RNF150: variants seen among roughly 807,000 people sequenced by gnomAD.
RNF150 encodes ring finger protein 150.
Under a neutral mutation model 39.3 loss-of-function variants are expected in RNF150, and 24 were observed. The observed-to-expected ratio is 0.61, with a 90% CI of 0.44 to 0.86. RNF150 has a LOEUF of 0.86. Among genes scored for constraint, RNF150 ranks in the 40% least tolerant of loss-of-function variants. The pLI is 0.00. For synonymous variants in RNF150, 255 were observed against 227.3 expected (o/e 1.12, Z -1.10); for missense variants, 502 against 587.8 (o/e 0.85, Z 1.51).
chr4:141,039,410 G>GGAGGAGAAAAAAGGGA (rs894288916), intron 1 of RNF150, among the ~76,000 whole-genome samples: 1 of 151,698 alleles, frequency 6.6e-6, no homozygotes, highest in South Asian at 2.1e-4. Flanking sequence ...GAAAGAAAGG[G>GGAGGAGAAAAAAGGGA]GAGGAGAAAA....
At chr4:141,004,936 A>C (rs1284628694) in intron 1 of RNF150, among the ~76,000 whole-genome samples, 2 of 152,218 alleles carry the variant, frequency 1.3e-5, no homozygotes, top group Non-Finnish European at 2.9e-5. Context: ...TTCAATTAAG[A>C]GATTCTTGTT....
At chr4:140,957,472 C>T (rs1175063175) in intron 2 of RNF150, among the ~76,000 whole-genome samples, 1 of 152,176 alleles carries the variant, frequency 6.6e-6, no homozygotes, top group African/African-American at 2.4e-5. Context: ...ACTGGTTCAA[C>T]CATTGTGGAA....
At chr4:141,119,191 G>A (rs952314682) in intron 1 of RNF150, among the ~76,000 whole-genome samples, 37 of 152,326 alleles carry the variant, frequency 2.4e-4, no homozygotes, top group African/African-American at 8.2e-4. Flanking sequence ...TTCTCTCATT[G>A]CTCAAAAGGT....
intron 1 of RNF150, among the ~76,000 whole-genome samples, chr4:141,088,678 T>TACACACACACACACAC (rs60239559): frequency 2.7e-5 from 4 of 146,498 alleles, no homozygotes; most frequent in East Asian, 2.0e-4. Context: ...ACTTTGCTTT[T>TACACACACACACACAC]ACACACACAC....
At chr4:140,938,855 CAATT>C (rs1175603598) in intron 4 of RNF150, among the ~76,000 whole-genome samples, 4 of 152,086 alleles carry the variant, frequency 2.6e-5, no homozygotes, top group South Asian at 4.2e-4. Context: ...CTTAAAGAGT[CAATT>C]AATAATGAGG....
At chr4:140,926,477 A>T (rs1163137580) in intron 4 of RNF150, among the ~76,000 whole-genome samples, 1 of 152,244 alleles carries the variant, frequency 6.6e-6, no homozygotes, top group Admixed American at 6.5e-5. Context: ...GTCAGTAGAA[A>T]ACTGCAAGTA....
intron 1 of RNF150, among the ~76,000 whole-genome samples, chr4:140,972,044 A>G (rs1044825908): frequency 7.2e-5 from 11 of 152,076 alleles, no homozygotes; most frequent in Admixed American, 3.3e-4. Context: ...AAAAAAATTT[A>G]TATTGTCCCA....
intron 1 of RNF150, among the ~76,000 whole-genome samples, chr4:140,979,114 C>T (rs1733769482): frequency 6.6e-6 from 1 of 152,054 alleles, no homozygotes; most frequent in African/African-American, 2.4e-5. Flanking sequence ...CCTGTGTATA[C>T]AAAAAGTAGC....
intron 1 of RNF150, among the ~76,000 whole-genome samples, chr4:141,109,416 C>T (rs961725021): frequency 6.6e-6 from 1 of 151,756 alleles, no homozygotes; most frequent in African/African-American, 2.4e-5. Context: ...GCCTTCATAT[C>T]ATTTTAAGTA....
At position 140,899,968 on chromosome 4, in the gene RNF150, CTCTCTCTGTGTGTGTGTG is replaced by C. The variant is rs777463460; in HGVS notation, c.1198+11158_1198+11175del. Among the ~76,000 whole-genome samples the C allele has an allele frequency of 7.7e-3, 906 of 117,320 alleles. 6 individuals carry two copies. Among genetic ancestry groups the C allele is most frequent in the Non-Finnish European group, 0.01 (562 of 55,120 alleles). 77.0% of individuals were successfully genotyped at this position (117,320 alleles called of 152,430 possible). On this transcript the variant is annotated intron_variant, in intron 6 of 6. Coordinates refer to ENST00000515673, the MANE Select transcript of RNF150 (RefSeq NM_020724.2). ...TTTCTCTCTCTCTCTCTCTCTCTCT[CTCTCTCTGTGTGTGTGTG>C]TGTGTGTGTGTGTGTGTGTCCCATT...
At chr4:141,196,270 A>T (rs1550057) in intron 1 of RNF150, among the ~76,000 whole-genome samples, 2 of 152,008 alleles carry the variant, frequency 1.3e-5, no homozygotes, top group East Asian at 3.9e-4. Flanking sequence ...TGTCTCCTCC[A>T]TTTGAGGAGA....
chr4:140,984,540 C>T (rs1222746583), intron 1 of RNF150, among the ~76,000 whole-genome samples: 1 of 152,106 alleles, frequency 6.6e-6, no homozygotes, highest in Non-Finnish European at 1.5e-5. Flanking sequence ...CTGAAACATA[C>T]CTTCCTGTCC....
chr4:141,139,418 A>T (rs1318659595), intron 1 of RNF150, among the ~76,000 whole-genome samples: 1 of 152,238 alleles, frequency 6.6e-6, no homozygotes, highest in Non-Finnish European at 1.5e-5. Context: ...ATTCAGTGAG[A>T]GCAGTAATTC....
In RNF150 at chr4:140,999,965, A is replaced by C. The variant is rs553662572; in HGVS notation, c.485-32092T>G. On this transcript the variant is annotated intron_variant, in intron 1 of 6. Coordinates refer to ENST00000515673, the MANE Select transcript of RNF150 (RefSeq NM_020724.2). Reference sequence around the variant, plus strand: ...AAAAAGAAGAAGAAGAAGAAGAAGAAGAAGAAGAAGAAAAGAAGAAAAGAA... The same window carrying C: ...AAAAAGAAGAAGAAGAAGAAGAAGACGAAGAAGAAGAAAAGAAGAAAAGAA... 3.6e-4 allele frequency among the ~76,000 whole-genome samples: 12 copies of C among 33,146 alleles called. 1 individual carries two copies. The Admixed American group carries it at 5.5e-3, about 15-fold the overall frequency. 21.7% of individuals were successfully genotyped at this position (33,146 alleles called of 152,430 possible).
intron 1 of RNF150, among the ~76,000 whole-genome samples, chr4:141,062,166 T>C (rs929340592): frequency 2.6e-5 from 4 of 152,272 alleles, no homozygotes; most frequent in Admixed American, 2.0e-4. Flanking sequence ...TATGCTCAGG[T>C]AACATAAGAT....
chr4:140,949,548 A>T (rs917691153), intron 2 of RNF150, among the ~76,000 whole-genome samples, 176 bp from the exon 3 acceptor site: 11 of 152,184 alleles, frequency 7.2e-5, no homozygotes, highest in Non-Finnish European at 2.9e-5. Flanking sequence ...GGGCTCTACC[A>T]GTTGAGGTCT....
intron 1 of RNF150, among the ~76,000 whole-genome samples, chr4:141,152,510 ATTATT>A (rs919872798): frequency 6.6e-6 from 1 of 151,034 alleles, no homozygotes; most frequent in African/African-American, 2.4e-5. Flanking sequence ...TATTTATTTT[ATTATT>A]TTATTATTTA....
At chr4:141,114,386 T>C (rs1307014019) in intron 1 of RNF150, among the ~76,000 whole-genome samples, 1 of 152,106 alleles carries the variant, frequency 6.6e-6, no homozygotes, top group African/African-American at 2.4e-5. Context: ...TCTATGCAAA[T>C]AAACTAGAAA....
rs150450685 is a variant in RNF150, at chr4:140,879,733, G to A, written c.1199-11354C>T. Among the ~76,000 whole-genome samples, 641 of 152,052 alleles carry A rather than the reference G, an allele frequency of 4.2e-3. 4 individuals are homozygous for A. The highest frequency in any genetic ancestry group is 0.014 in the African/African-American group (596 of 41,464). ...GCTATTTGGGAGGCTAAGCTGGCAG[G>A]ATTACTTGAGCCCAGGTTGAGGCTC... On this transcript the variant is annotated intron_variant, in intron 6 of 6. Coordinates refer to ENST00000515673, the MANE Select transcript of RNF150 (RefSeq NM_020724.2).
Sources: allele counts gnomAD v4.1 joint callset (sites outside exome capture counted in the v4.1 genomes callset), GRCh38; gene constraint gnomAD v4.1.1; transcripts MANE v1.5; gene names NCBI Gene and HGNC (gene_info 2026-07-23, HGNC 2026-07-21).